The following RERE variants were observed in gnomAD, a reference collection of about 807,000 sequenced individuals.
RERE encodes the protein arginine-glutamic acid dipeptide repeats, also known as arginine-glutamic acid dipeptide repeats protein.
In RERE, 40 loss-of-function variants were observed where a neutral mutation model predicts 146.1. The ratio of observed to expected loss-of-function variants is 0.27; its 90% confidence interval spans 0.21 to 0.36. The LOEUF is 0.36. RERE is among the 10% of genes least tolerant of loss of function. RERE has a pLI of 1.00. For missense variants in RERE, 1,933 were observed against 2,138.7 expected, an observed-to-expected ratio of 0.90 and a Z score of 1.90; for synonymous variants, 1,003 against 866.0, an observed-to-expected ratio of 1.16 and a Z score of -2.78.
At chr1:8,645,214 T>C (rs565584318) in intron 2 of RERE, among the ~76,000 whole-genome samples, 15 of 152,192 alleles carry the variant, frequency 9.9e-5, no homozygotes, top group Admixed American at 2.0e-4. Flanking sequence ...TACAGCCAAG[T>C]TCACAGTGCC....
At chr1:8,625,187 G>T (rs948606544) in intron 2 of RERE, among the ~76,000 whole-genome samples, 15 of 151,970 alleles carry the variant, frequency 9.9e-5, no homozygotes, top group Non-Finnish European at 2.2e-4. Context: ...TCCAACTCCT[G>T]GGCTCAAGCA....
At chr1:8,775,247 C>T (rs907490155) in intron 1 of RERE, among the ~76,000 whole-genome samples, 7 of 152,070 alleles carry the variant, frequency 4.6e-5, no homozygotes, top group Non-Finnish European at 1.0e-4. Flanking sequence ...GCATGAGTCA[C>T]CACACCCAGC....
At chr1:8,460,475 A>G (rs1644512273) in intron 11 of RERE, among the ~76,000 whole-genome samples, 1 of 152,232 alleles carries the variant, frequency 6.6e-6, no homozygotes, top group Non-Finnish European at 1.5e-5. Flanking sequence ...TTTAAATTGA[A>G]GGAAGATTTA....
At chr1:8,535,311 T>C (rs1486763748) in intron 7 of RERE, among the ~76,000 whole-genome samples, 2 of 152,160 alleles carry the variant, frequency 1.3e-5, no homozygotes, top group East Asian at 3.9e-4. Context: ...ACAAGATCCT[T>C]CTGTTGTAGG....
chr1:8,494,151 C>A (rs1312012593), intron 10 of RERE, among the ~76,000 whole-genome samples: 2 of 152,142 alleles, frequency 1.3e-5, no homozygotes, highest in East Asian at 3.9e-4. Flanking sequence ...TAACATTAGC[C>A]TCATTTCCCT....
chr1:8,598,955 ACAGAAGG>A (rs1422921109), intron 4 of RERE, among the ~76,000 whole-genome samples: 1 of 152,224 alleles, frequency 6.6e-6, no homozygotes, highest in Admixed American at 6.5e-5. Flanking sequence ...CTCTCCTTAG[ACAGAAGG>A]CAGAAGGCTG....
chr1:8,562,318 ATAATT>A (rs1646088014), intron 4 of RERE, among the ~76,000 whole-genome samples: 1 of 152,214 alleles, frequency 6.6e-6, no homozygotes, highest in Non-Finnish European at 1.5e-5. Context: ...TACTACCAAT[ATAATT>A]TAACAATGGC....
chr1:8,708,995 C>A (rs1289651017), intron 1 of RERE, among the ~76,000 whole-genome samples: 1 of 144,582 alleles, frequency 6.9e-6, no homozygotes, highest in African/African-American at 2.6e-5. Context: ...TCACTGCAAG[C>A]TCCATCTCCT....
At chr1:8,431,119 C>A (rs746854558) in intron 11 of RERE, among the ~76,000 whole-genome samples, 1 of 152,158 alleles carries the variant, frequency 6.6e-6, no homozygotes, top group South Asian at 2.1e-4. Flanking sequence ...TACCTTAAGA[C>A]GGGGGTCTCC....
chr1:8,783,492 C>T (rs1641204137), intron 1 of RERE, among the ~76,000 whole-genome samples: 1 of 152,158 alleles, frequency 6.6e-6, no homozygotes, highest in African/African-American at 2.4e-5. Context: ...CTCATTATTT[C>T]TAGCCTGTTG....
chr1:8,406,183 A>G (rs571767537), intron 12 of RERE, among the ~76,000 whole-genome samples: 34 of 152,166 alleles, frequency 2.2e-4, no homozygotes, highest in African/African-American at 8.2e-4. Context: ...CTACGGCCTC[A>G]ACCTCCTGGG....
chr1:8,736,213 G>GTT (rs1312479142), intron 1 of RERE, among the ~76,000 whole-genome samples: 6 of 140,980 alleles, frequency 4.3e-5, no homozygotes, highest in Non-Finnish European at 9.6e-5. Context: ...TTGTTTGTTT[G>GTT]TTTGTTTTTT....
chr1:8,557,948 T>C (rs934946843), intron 4 of RERE, among the ~76,000 whole-genome samples: 8 of 152,204 alleles, frequency 5.3e-5, no homozygotes, highest in Non-Finnish European at 1.2e-4. Flanking sequence ...GCAATAAGGC[T>C]AGAAAGAACT....
At chr1:8,361,526 A>T in intron 17 of RERE, 36 bp from the exon 18 acceptor site, 1 of 1,603,684 alleles carries the variant, frequency 6.2e-7, no homozygotes. Context: ...AAGTCCCAGG[A>T]GGGCAGAGCC....
intron 2 of RERE, among the ~76,000 whole-genome samples, chr1:8,629,144 G>C (rs568999779): frequency 6.6e-6 from 1 of 152,244 alleles, no homozygotes; most frequent in East Asian, 1.9e-4. Flanking sequence ...AAATGAGTGA[G>C]GCTATTACCA....
At chr1:8,770,127 A>G (rs2124544219) in intron 1 of RERE, among the ~76,000 whole-genome samples, 1 of 152,198 alleles carries the variant, frequency 6.6e-6, no homozygotes, top group East Asian at 1.9e-4. Flanking sequence ...TATATTGGAA[A>G]TTTTCTAAAA....
intron 2 of RERE, among the ~76,000 whole-genome samples, chr1:8,646,957 C>CAAA (rs1468003014): frequency 6.6e-6 from 1 of 152,098 alleles, no homozygotes; most frequent in East Asian, 1.9e-4. Context: ...CTTGTCTCTA[C>CAAA]AAAAAATACA....
chr1:8,658,026 G>A (rs12131717), intron 1 of RERE, among the ~76,000 whole-genome samples: 25,639 of 152,052 alleles, frequency 0.17, 2,437 homozygotes, highest in Middle Eastern at 0.27. Context: ...GTTTTTAAGC[G>A]TCTGCAATGG....
chr1:8,771,281 G>A (rs1301301432), intron 1 of RERE, among the ~76,000 whole-genome samples: 7 of 150,942 alleles, frequency 4.6e-5, no homozygotes, highest in Non-Finnish European at 8.9e-5. Context: ...CAGAATTTTG[G>A]GAGGCCGAGG....
Sources: allele counts gnomAD v4.1 joint callset (sites outside exome capture counted in the v4.1 genomes callset), GRCh38; gene constraint gnomAD v4.1.1; transcripts MANE v1.5; gene names NCBI Gene and HGNC (gene_info 2026-07-23, HGNC 2026-07-21).